The following ACTR3C variants were observed in gnomAD, a reference collection of about 807,000 sequenced individuals.
ACTR3C encodes actin-related protein 3C.
ACTR3C carries 18 observed loss-of-function variants against 26.3 expected under a neutral mutation model. The ratio of observed to expected loss-of-function variants is 0.68; its 90% CI spans 0.47 to 1.01. The LOEUF (loss-of-function observed/expected upper bound fraction) is 1.01. Among genes scored for constraint, ACTR3C ranks in the 50% least tolerant of loss-of-function variants. ACTR3C has a pLI of 0.00. For missense variants in ACTR3C, 184 were observed against 250.7 expected (o/e 0.73, Z 1.80); for synonymous variants, 55 against 94.5 (o/e 0.58, Z 2.42).
the ACTR3C span, among the ~76,000 whole-genome samples, chr7:150,233,861 T>G: frequency 1.7e-3 from 260 of 152,318 alleles, no homozygotes; most frequent in African/African-American, 6.1e-3. Context: ...GACTTGTTTT[T>G]TCTTGCTTTT....
chr7:150,257,518 G>C (rs1465466506), intron 6 of ACTR3C, among the ~76,000 whole-genome samples: 2 of 152,216 alleles, frequency 1.3e-5, no homozygotes, highest in African/African-American at 4.8e-5. Flanking sequence ...GGAACATGCT[G>C]GCCCTGATCA....
At chr7:150,006,414 G>C in the ACTR3C span, among the ~76,000 whole-genome samples, 7 of 147,490 alleles carry the variant, frequency 4.7e-5, no homozygotes, top group Admixed American at 2.7e-4. Flanking sequence ...AGCCAGGATG[G>C]TCTCGATCTC....
At chr7:150,277,527 C>G (rs1834976368) in intron 6 of ACTR3C, among the ~76,000 whole-genome samples, 1 of 152,206 alleles carries the variant, frequency 6.6e-6, no homozygotes, top group Non-Finnish European at 1.5e-5. Flanking sequence ...CCTCAAATCT[C>G]TATGTCTGGC....
At chr7:150,059,079 T>C in the ACTR3C span, among the ~76,000 whole-genome samples, 1 of 152,162 alleles carries the variant, frequency 6.6e-6, no homozygotes, top group Non-Finnish European at 1.5e-5. Flanking sequence ...AGCCAGGAAT[T>C]GTTTCACAGC....
chr7:150,239,375 C>G (rs1344532969), downstream of ACTR3C, among the ~76,000 whole-genome samples: 1 of 145,686 alleles, frequency 6.9e-6, no homozygotes, highest in Non-Finnish European at 1.5e-5. Context: ...TCAATATACA[C>G]ACCATCACAC....
the ACTR3C span, among the ~76,000 whole-genome samples, chr7:150,183,166 C>T: frequency 6.6e-6 from 1 of 150,752 alleles, no homozygotes; most frequent in Non-Finnish European, 1.5e-5. Flanking sequence ...TTACTTAGCA[C>T]TAATTGTATT....
At chr7:150,266,092 A>G (rs1284952846) in intron 6 of ACTR3C, among the ~76,000 whole-genome samples, 2 of 148,616 alleles carry the variant, frequency 1.3e-5, no homozygotes, top group African/African-American at 5.1e-5. Context: ...AGTGCAGGGT[A>G]AGACTGTGCA....
At chr7:149,941,879 C>T in the ACTR3C span, among the ~76,000 whole-genome samples, 7 of 152,190 alleles carry the variant, frequency 4.6e-5, no homozygotes, top group East Asian at 5.8e-4. Context: ...AGGCAAGGAT[C>T]GAGGGATTGT....
At chr7:150,020,857 G>A in the ACTR3C span, among the ~76,000 whole-genome samples, 28 of 151,942 alleles carry the variant, frequency 1.8e-4, no homozygotes, top group Admixed American at 3.9e-4. Context: ...TTTTGCCCTC[G>A]TCACCCAGGC....
At chr7:150,039,211 G>C in the ACTR3C span, among the ~76,000 whole-genome samples, 17 of 147,416 alleles carry the variant, frequency 1.2e-4, no homozygotes, top group East Asian at 6.3e-4. Context: ...CCACCTCTGC[G>C]ATGGGGGTCC....
the ACTR3C span, among the ~76,000 whole-genome samples, chr7:150,071,658 G>A: frequency 2.0e-5 from 3 of 148,362 alleles, no homozygotes; most frequent in South Asian, 2.3e-4. Flanking sequence ...TGTGGGCCTC[G>A]AGGACAGAGG....
At chr7:150,147,743 G>A in the ACTR3C span, among the ~76,000 whole-genome samples, 17 of 151,902 alleles carry the variant, frequency 1.1e-4, no homozygotes, top group South Asian at 2.1e-4. Flanking sequence ...TGTCACCCTC[G>A]TTCAACCACA....
At chr7:150,104,485 G>A in the ACTR3C span, among the ~76,000 whole-genome samples, 25 of 151,510 alleles carry the variant, frequency 1.7e-4, 1 homozygote, top group Non-Finnish European at 3.2e-4. Context: ...TTCTCAAAGG[G>A]CATTAGTTTC....
chr7:150,169,034 T>G, the ACTR3C span, among the ~76,000 whole-genome samples: 1 of 150,484 alleles, frequency 6.6e-6, no homozygotes, highest in African/African-American at 2.5e-5. Flanking sequence ...ATTAATTAGG[T>G]ATAGACGAGG....
the ACTR3C span, among the ~76,000 whole-genome samples, chr7:150,143,787 C>T: frequency 3.9e-5 from 6 of 152,206 alleles, no homozygotes; most frequent in African/African-American, 1.4e-4. Context: ...CCTGCAACCC[C>T]GACTCTTCAT....
the ACTR3C span, among the ~76,000 whole-genome samples, chr7:149,963,123 T>A: frequency 1.3e-5 from 2 of 152,208 alleles, no homozygotes; most frequent in Non-Finnish European, 2.9e-5. Context: ...TACCACTGAG[T>A]TGGCCTCTCT....
the ACTR3C span, among the ~76,000 whole-genome samples, chr7:149,972,564 C>T: frequency 3.3e-5 from 5 of 152,152 alleles, no homozygotes; most frequent in South Asian, 2.1e-4. Flanking sequence ...CCCTCTCATG[C>T]TCTCACCCTC....
At chr7:150,000,949 C>G in the ACTR3C span, 4 of 151,260 alleles carry the variant, frequency 2.6e-5, no homozygotes, top group East Asian at 7.7e-4. Flanking sequence ...TCCTCCAGGA[C>G]GCTGTCTTTT....
At chr7:149,984,113 C>CA in the ACTR3C span, among the ~76,000 whole-genome samples, 13 of 148,500 alleles carry the variant, frequency 8.8e-5, no homozygotes, top group Non-Finnish European at 1.3e-4. Context: ...GTTCTTATCA[C>CA]AAAAAAAAGA....
Sources: gnomAD v4.1 joint callset for allele counts (sites outside exome capture counted in the v4.1 genomes callset) on GRCh38, gnomAD v4.1.1 for gene constraint, MANE v1.5 for transcripts, NCBI Gene and HGNC (gene_info 2026-07-23, HGNC 2026-07-21) for gene names.